The following MDGA2 variants were observed in gnomAD, a reference collection of about 807,000 sequenced individuals.
The protein encoded by MDGA2 is MAM domain containing glycosylphosphatidylinositol anchor 2.
A neutral mutation model predicts 117.8 loss-of-function variants in MDGA2; 40 were observed. That is an observed-to-expected ratio of 0.34 (90% CI 0.26 to 0.44). The LOEUF (loss-of-function observed/expected upper bound fraction) is 0.44, where lower values mean the gene tolerates loss of function less well. MDGA2 is among the 20% of genes least tolerant of loss of function. The pLI is 1.00. For missense variants in MDGA2, 1,123 were observed against 1,250.6 expected (o/e 0.90, Z 1.54); for synonymous variants, 452 against 439.0 (o/e 1.03, Z -0.37).
Position 47,066,528 on chromosome 14 carries a change from T to C in MDGA2, c.1196-4950A>G, listed in dbSNP as rs543970647. Among the ~76,000 whole-genome samples, 9 of 152,300 alleles carry C rather than the reference T, an allele frequency of 5.9e-5. No individual in the cohort carries two copies. In the East Asian group the frequency reaches 1.5e-3, roughly 26 times the overall value. On this transcript the variant is annotated intron_variant, in intron 6 of 16. Coordinates refer to ENST00000399232, the MANE Select transcript of MDGA2 (RefSeq NM_001113498.3). ...ATGGGAATATATGTGAGGAAGAGAA[T>C]TCTGTACACAACACAAGAAACCTCA...
intron 1 of MDGA2, among the ~76,000 whole-genome samples, chr14:47,306,993 A>G (rs1049200454): frequency 1.3e-5 from 2 of 152,206 alleles, no homozygotes; most frequent in Non-Finnish European, 2.9e-5. Context: ...TAAAGCAAAC[A>G]TAACAATAAT....
At chr14:47,580,318 A>G (rs1276228595) in intron 1 of MDGA2, among the ~76,000 whole-genome samples, 8 of 152,004 alleles carry the variant, frequency 5.3e-5, no homozygotes, top group Non-Finnish European at 1.2e-4. Flanking sequence ...GTGGTGAAGG[A>G]GCAAAGAAGC....
intron 7 of MDGA2, among the ~76,000 whole-genome samples, chr14:47,042,953 A>G (rs151138937): frequency 5.3e-4 from 80 of 152,276 alleles, no homozygotes; most frequent in African/African-American, 1.9e-3. Context: ...GCCTTAAAAT[A>G]CAAAATTTAT....
At chr14:47,333,500 T>C (rs1228834317) in intron 1 of MDGA2, among the ~76,000 whole-genome samples, 5 of 151,914 alleles carry the variant, frequency 3.3e-5, no homozygotes, top group African/African-American at 1.2e-4. Flanking sequence ...AAAATCTTTA[T>C]TTTGGCTATG....
intron 1 of MDGA2, among the ~76,000 whole-genome samples, chr14:47,475,010 C>A (rs1286481823): frequency 6.6e-6 from 1 of 152,034 alleles, no homozygotes; most frequent in Non-Finnish European, 1.5e-5. Context: ...AGAGTTCCTG[C>A]ACATCAAAAA....
intron 3 of MDGA2, among the ~76,000 whole-genome samples, chr14:47,178,498 A>AT (rs1884567884): frequency 1.3e-5 from 2 of 151,982 alleles, no homozygotes; most frequent in Non-Finnish European, 2.9e-5. Context: ...TTTCCAGTCT[A>AT]TTTTCTTTAA....
At chr14:47,531,441 T>C (rs1895099142) in intron 1 of MDGA2, among the ~76,000 whole-genome samples, 1 of 152,310 alleles carries the variant, frequency 6.6e-6, no homozygotes, top group East Asian at 1.9e-4. Flanking sequence ...CAGCGACTCA[T>C]ATTAAAAGGG....
intron 2 of MDGA2, among the ~76,000 whole-genome samples, chr14:47,294,030 A>G (rs761393951): frequency 3.3e-5 from 5 of 151,950 alleles, no homozygotes; most frequent in African/African-American, 4.8e-5. Flanking sequence ...ATAAAGATGT[A>G]CATCACCTGG....
chr14:46,934,066 A>G (rs1884690286), intron 9 of MDGA2, among the ~76,000 whole-genome samples: 1 of 151,656 alleles, frequency 6.6e-6, no homozygotes. Context: ...TGCTGAAACG[A>G]TAGTTTTTAC....
chr14:47,377,588 C>T (rs1022779294), intron 1 of MDGA2, among the ~76,000 whole-genome samples: 9 of 152,100 alleles, frequency 5.9e-5, no homozygotes, highest in African/African-American at 2.2e-4. Context: ...CTTTGAGGGT[C>T]CCATGCCCAC....
At chr14:47,307,700 A>G (rs923436562) in intron 1 of MDGA2, among the ~76,000 whole-genome samples, 1 of 150,364 alleles carries the variant, frequency 6.7e-6, no homozygotes, top group African/African-American at 2.4e-5. Flanking sequence ...GGAAAAAAAA[A>G]GGCAGGAAAA....
At chr14:47,295,930 TA>T (rs749617318) in intron 2 of MDGA2, among the ~76,000 whole-genome samples, 3,631 of 107,296 alleles carry the variant, frequency 0.034, 75 homozygotes, top group Non-Finnish European at 0.043. Context: ...AGATAGATGA[TA>T]AGATAGATAG....
At chr14:46,929,599 G>GTATATA (rs1332389893) in intron 9 of MDGA2, among the ~76,000 whole-genome samples, 15 of 15,248 alleles carry the variant, frequency 9.8e-4, no homozygotes, top group Non-Finnish European at 1.7e-3. Context: ...GTGTGTGTGT[G>GTATATA]TGTATATATA....
chr14:46,851,065 T>C (rs971478453), intron 15 of MDGA2, among the ~76,000 whole-genome samples: 8 of 151,868 alleles, frequency 5.3e-5, no homozygotes, highest in African/African-American at 1.9e-4. Flanking sequence ...GAGAGCAGTA[T>C]AGTCTCTTTT....
At chr14:47,328,372 AAAG>A in intron 1 of MDGA2, among the ~76,000 whole-genome samples, 1 of 152,276 alleles carries the variant, frequency 6.6e-6, no homozygotes, top group Middle Eastern at 3.4e-3. Flanking sequence ...CAAGTACAAA[AAAG>A]AAGTGTTTGG....
At chr14:47,450,683 T>C (rs1485204049) in intron 1 of MDGA2, among the ~76,000 whole-genome samples, 1 of 152,066 alleles carries the variant, frequency 6.6e-6, no homozygotes, top group Admixed American at 6.6e-5. Context: ...CAGTTACATA[T>C]AGCCTTTATA....
chr14:47,214,286 G>A (rs1366161848), intron 3 of MDGA2, among the ~76,000 whole-genome samples: 1 of 152,030 alleles, frequency 6.6e-6, no homozygotes, highest in Non-Finnish European at 1.5e-5. Flanking sequence ...AGAAATATTT[G>A]CATAAATAAC....
intron 5 of MDGA2, among the ~76,000 whole-genome samples, chr14:47,121,239 T>C (rs1881634428): frequency 6.6e-6 from 1 of 152,124 alleles, no homozygotes. Flanking sequence ...TACCTGGCAC[T>C]GATTAGTTTG....
intron 1 of MDGA2, among the ~76,000 whole-genome samples, chr14:47,385,161 CTA>C (rs1295280376): frequency 6.6e-6 from 1 of 152,002 alleles, no homozygotes; most frequent in Non-Finnish European, 1.5e-5. Context: ...TAAAATTATA[CTA>C]TGTCTAAAAT....
Sources: allele counts gnomAD v4.1 joint callset (sites outside exome capture counted in the v4.1 genomes callset), GRCh38; gene constraint gnomAD v4.1.1; transcripts MANE v1.5; gene names NCBI Gene and HGNC (gene_info 2026-07-23, HGNC 2026-07-21).